The following DNAAF11 variants were observed in gnomAD, a reference collection of about 807,000 sequenced individuals.
DNAAF11 encodes leucine rich repeat containing 6.
A neutral mutation model predicts 60.8 loss-of-function variants in DNAAF11; 45 were observed. The ratio of observed to expected loss-of-function variants is 0.74; its 90% CI spans 0.58 to 0.95. The LOEUF (loss-of-function observed/expected upper bound fraction) is 0.95. Ranked by LOEUF, DNAAF11 falls within the 40% of genes least tolerant of loss-of-function variation. DNAAF11 has a pLI of 0.00. For missense variants in DNAAF11, 546 were observed against 546.2 expected (o/e 1.00, Z 0.00); for synonymous variants, 191 against 183.5 (o/e 1.04, Z -0.33).
At chr8:132,653,328 T>G (rs1823216393) in intron 3 of DNAAF11, among the ~76,000 whole-genome samples, 5 of 152,158 alleles carry the variant, frequency 3.3e-5, no homozygotes, top group Admixed American at 1.3e-4. Context: ...AAATTAAGAT[T>G]TTTTAGATAG....
chr8:132,697,737 T>C, the DNAAF11 span, among the ~76,000 whole-genome samples: 1 of 151,968 alleles, frequency 6.6e-6, no homozygotes, highest in Non-Finnish European at 1.5e-5. Context: ...ACTAGAGAGA[T>C]TGACAATGAG....
upstream of DNAAF11, chr8:132,675,556 C>A: frequency 6.6e-7 from 1 of 1,512,886 alleles, no homozygotes; most frequent in Non-Finnish European, 8.9e-7. Flanking sequence ...GCTTTTCACC[C>A]TTCACCCCTG....
At chr8:132,578,683 C>T (rs966870749) in intron 11 of DNAAF11, among the ~76,000 whole-genome samples, 17 of 152,146 alleles carry the variant, frequency 1.1e-4, no homozygotes, top group African/African-American at 4.1e-4. Flanking sequence ...CATATTTGGA[C>T]CAAAGACTCC....
chr8:132,635,273 G>A (rs1021063507), intron 4 of DNAAF11, among the ~76,000 whole-genome samples: 3 of 152,174 alleles, frequency 2.0e-5, no homozygotes, highest in African/African-American at 7.2e-5. Context: ...CAGGATTCCT[G>A]CAGCACAAAG....
At chr8:132,638,954 TA>T (rs913946171) in intron 3 of DNAAF11, among the ~76,000 whole-genome samples, 3 of 152,176 alleles carry the variant, frequency 2.0e-5, no homozygotes, top group Non-Finnish European at 4.4e-5. Flanking sequence ...TGACCTTGGG[TA>T]AGTTACAAGC....
upstream of DNAAF11, among the ~76,000 whole-genome samples, chr8:132,678,248 T>C: frequency 6.6e-6 from 1 of 152,228 alleles, no homozygotes; most frequent in Non-Finnish European, 1.5e-5. Flanking sequence ...GCCTGCCGTA[T>C]GGACCCTAGA....
intron 10 of DNAAF11, among the ~76,000 whole-genome samples, chr8:132,586,497 TG>T (rs1815909017): frequency 6.6e-6 from 1 of 152,198 alleles, no homozygotes. Context: ...TGTGATGGGA[TG>T]CCGGGATTCT....
upstream of DNAAF11, among the ~76,000 whole-genome samples, chr8:132,679,091 T>C (rs566482599): frequency 3.3e-5 from 5 of 152,312 alleles, no homozygotes; most frequent in South Asian, 1.0e-3. Context: ...ATGAATATAT[T>C]ACAGATTAGG....
chr8:132,631,917 A>G (rs1820840992), intron 5 of DNAAF11, among the ~76,000 whole-genome samples: 2 of 152,152 alleles, frequency 1.3e-5, no homozygotes, highest in Admixed American at 6.5e-5. Context: ...CTAATGTTAA[A>G]TGAAGAATTA....
At chr8:132,581,009 C>G (rs1348512447) in intron 11 of DNAAF11, among the ~76,000 whole-genome samples, 1 of 152,156 alleles carries the variant, frequency 6.6e-6, no homozygotes, top group Non-Finnish European at 1.5e-5. Context: ...CAGATGTGGA[C>G]TCCTGGTCTA....
intron 7 of DNAAF11, among the ~76,000 whole-genome samples, chr8:132,617,373 G>T (rs970291739): frequency 3.3e-5 from 5 of 152,084 alleles, no homozygotes; most frequent in Admixed American, 1.3e-4. Flanking sequence ...AGAAGTAAAG[G>T]GAAGAAATTG....
At chr8:132,628,599 A>AGGG (rs1159063569) in intron 5 of DNAAF11, among the ~76,000 whole-genome samples, 3 of 152,148 alleles carry the variant, frequency 2.0e-5, no homozygotes, top group African/African-American at 7.2e-5. Context: ...TGCAGCCTCT[A>AGGG]ATTCTCTGTA....
At chr8:132,653,760 A>G (rs1226936205) in intron 3 of DNAAF11, among the ~76,000 whole-genome samples, 1 of 152,156 alleles carries the variant, frequency 6.6e-6, no homozygotes, top group Non-Finnish European at 1.5e-5. Flanking sequence ...CACTAAGAAA[A>G]TAACTCAAAA....
chr8:132,577,088 T>C (rs1814829952), intron 11 of DNAAF11, among the ~76,000 whole-genome samples: 1 of 152,182 alleles, frequency 6.6e-6, no homozygotes, highest in South Asian at 2.1e-4. Flanking sequence ...AGCAGAACAT[T>C]ATCAGCATTC....
At chr8:132,654,969 A>C (rs1432607864) in intron 3 of DNAAF11, among the ~76,000 whole-genome samples, 2 of 152,014 alleles carry the variant, frequency 1.3e-5, no homozygotes, top group Non-Finnish European at 2.9e-5. Flanking sequence ...ACAAAATCAA[A>C]AGTTGGTTCT....
At chr8:132,669,185 C>T (rs561347472) in intron 1 of DNAAF11, among the ~76,000 whole-genome samples, 2 of 152,326 alleles carry the variant, frequency 1.3e-5, no homozygotes, top group South Asian at 4.1e-4. Context: ...AATAAACCTC[C>T]TGCATGCTAA....
chr8:132,648,508 A>G lies in DNAAF11; in HGVS notation c.256+8322T>C, dbSNP rs193069018. Among the ~76,000 whole-genome samples the G allele has an allele frequency of 4.1e-3, 626 of 152,332 alleles. 10 individuals are homozygous for G. The highest frequency in any genetic ancestry group is 0.014 in the African/African-American group (591 of 41,572). ...CAATATAGTGTTAGAAGTTCTGGCC[A>G]GGGCAATCAGGCAGGAGAAAGAAAT... On this transcript the variant is annotated intron_variant, in intron 3 of 11. Coordinates refer to ENST00000620350, the MANE Select transcript of DNAAF11 (RefSeq NM_012472.6).
intron 11 of DNAAF11, among the ~76,000 whole-genome samples, chr8:132,576,276 C>T (rs1563959289): frequency 1.3e-5 from 2 of 152,144 alleles, no homozygotes; most frequent in Non-Finnish European, 2.9e-5. Flanking sequence ...TGGCTGCTCA[C>T]AATTCATGTA....
chr8:132,647,666 A>T (rs1822539587), intron 3 of DNAAF11, among the ~76,000 whole-genome samples: 1 of 152,218 alleles, frequency 6.6e-6, no homozygotes, highest in Non-Finnish European at 1.5e-5. Context: ...TGCAATAAAA[A>T]ATGATAAAGG....
Sources: gnomAD v4.1 joint callset for allele counts (sites outside exome capture counted in the v4.1 genomes callset) on GRCh38, gnomAD v4.1.1 for gene constraint, MANE v1.5 for transcripts, NCBI Gene and HGNC (gene_info 2026-07-23, HGNC 2026-07-21) for gene names.